Variants in FANCB observed in about 807,000 individuals in gnomAD.
FANCB encodes the protein FA complementation group B, also known as Fanconi anemia group B protein.
Under a neutral mutation model 38.9 loss-of-function variants are expected in FANCB, and 5 were observed. The observed-to-expected ratio is 0.13, with a 90% CI of 0.07 to 0.27. FANCB has a LOEUF of 0.27. Among genes scored for constraint, FANCB ranks in the 10% least tolerant of loss-of-function variants. FANCB has a pLI of 1.00. For missense variants in FANCB, 573 were observed against 602.7 expected, an observed-to-expected ratio of 0.95 and a Z score of 0.52; for synonymous variants, 236 against 215.4, an observed-to-expected ratio of 1.10 and a Z score of -0.84.
the FANCB span, among the ~76,000 whole-genome samples, chrX:14,758,551 A>C: frequency 8.9e-6 from 1 of 112,272 alleles, no homozygotes; most frequent in Non-Finnish European, 1.9e-5. Flanking sequence ...CAGAGGACTC[A>C]GTGCAGATAC....
At chrX:14,834,676 A>T, downstream of FANCB, 14 of 643,955 alleles carry the variant, frequency 2.2e-5, no homozygotes, top group South Asian at 2.8e-4. Flanking sequence ...TTTTTGAAGG[A>T]TTCTTGTCCT....
chrX:14,834,813 A>AG (rs1569079945), downstream of FANCB: 18 of 554,899 alleles, frequency 3.2e-5, no homozygotes, highest in East Asian at 1.4e-4. Context: ...CTCATCATCA[A>AG]AATCATCATC....
the FANCB span, among the ~76,000 whole-genome samples, chrX:14,783,401 T>C: frequency 1.8e-5 from 2 of 112,015 alleles, no homozygotes; most frequent in East Asian, 5.6e-4. Flanking sequence ...AATGAAGCAC[T>C]TCCCACAGCC....
At chrX:14,744,503 C>T in the FANCB span, among the ~76,000 whole-genome samples, 4 of 112,127 alleles carry the variant, frequency 3.6e-5, no homozygotes, top group African/African-American at 9.7e-5. Flanking sequence ...CACATCAACC[C>T]TTTCTCTGTG....
the FANCB span, among the ~76,000 whole-genome samples, chrX:14,737,149 CCAA>C: frequency 9.0e-6 from 1 of 111,122 alleles, no homozygotes; most frequent in African/African-American, 3.3e-5. Flanking sequence ...GAGCAAAACT[CCAA>C]CAACAACAAA....
chrX:14,778,958 G>A, the FANCB span, among the ~76,000 whole-genome samples: 1 of 112,157 alleles, frequency 8.9e-6, no homozygotes, highest in East Asian at 2.8e-4. Flanking sequence ...ACCACTGAAA[G>A]CCACTTTGGT....
At chrX:14,838,750 T>C (rs148798436), downstream of FANCB, among the ~76,000 whole-genome samples, 577 of 112,232 alleles carry the variant, frequency 5.1e-3, 6 homozygotes, top group African/African-American at 0.017. Flanking sequence ...ATTCCTAGTA[T>C]ATACTAAAAG....
chrX:14,857,162 G>C (rs1216493277), intron 5 of FANCB, among the ~76,000 whole-genome samples: 1 of 111,777 alleles, frequency 8.9e-6, no homozygotes. Context: ...GAATGTATTG[G>C]GGATACAGAG....
chrX:14,722,243 C>G, the FANCB span, among the ~76,000 whole-genome samples: 1,310 of 111,682 alleles, frequency 0.012, 24 homozygotes, highest in African/African-American at 0.041. Context: ...TGCAGTCAGA[C>G]AGTAACTGGG....
chrX:14,697,761 T>C, the FANCB span, among the ~76,000 whole-genome samples: 1 of 111,579 alleles, frequency 9.0e-6, no homozygotes, highest in Non-Finnish European at 1.9e-5. Flanking sequence ...GTGGGAAACA[T>C]GGAAAATCAC....
chrX:14,814,200 T>A, the FANCB span, among the ~76,000 whole-genome samples: 1 of 111,722 alleles, frequency 9.0e-6, no homozygotes, highest in Non-Finnish European at 1.9e-5. Context: ...ACTTAAATGT[T>A]AGACCTAAAA....
At chrX:14,859,108 G>T in intron 4 of FANCB, 74 bp downstream of exon 4, 1 of 666,478 alleles carries the variant, frequency 1.5e-6, no homozygotes, top group East Asian at 3.3e-5. Flanking sequence ...TTAAATGATA[G>T]GTCAAAGCTT....
chrX:14,784,051 A>C, the FANCB span, among the ~76,000 whole-genome samples: 1 of 111,523 alleles, frequency 9.0e-6, no homozygotes, highest in African/African-American at 3.3e-5. Context: ...CTCTACTAAA[A>C]ATACAAAAAT....
At chrX:14,753,767 T>G in the FANCB span, among the ~76,000 whole-genome samples, 2 of 111,689 alleles carry the variant, frequency 1.8e-5, no homozygotes, top group Non-Finnish European at 3.8e-5. Flanking sequence ...AATGTCCTAT[T>G]CGCCAAAGGA....
the FANCB span, among the ~76,000 whole-genome samples, chrX:14,722,560 G>C: frequency 1.8e-5 from 2 of 111,861 alleles, no homozygotes; most frequent in African/African-American, 6.5e-5. Flanking sequence ...AATGGAAAGA[G>C]TGTCAATGAT....
At chrX:14,780,548 T>C in the FANCB span, among the ~76,000 whole-genome samples, 2 of 111,139 alleles carry the variant, frequency 1.8e-5, no homozygotes, top group Non-Finnish European at 3.7e-5. Context: ...TGATTAACAA[T>C]GTTACAATTC....
At chrX:14,833,795 TA>T, downstream of FANCB, among the ~76,000 whole-genome samples, 1 of 108,194 alleles carries the variant, frequency 9.2e-6, no homozygotes, top group African/African-American at 3.4e-5. Flanking sequence ...CCTCGTCTCT[TA>T]AAAAAAAATA....
At chrX:14,783,276 C>G in the FANCB span, among the ~76,000 whole-genome samples, 1 of 112,132 alleles carries the variant, frequency 8.9e-6, no homozygotes, top group Non-Finnish European at 1.9e-5. Context: ...GAATTCATAG[C>G]CCTGCTAGGT....
the FANCB span, among the ~76,000 whole-genome samples, chrX:14,808,176 A>C: frequency 1.1e-3 from 121 of 112,216 alleles, no homozygotes; most frequent in Non-Finnish European, 1.9e-3. Flanking sequence ...CTTTTCCAAA[A>C]AAGAGAGGAG....
Sources: allele counts gnomAD v4.1 joint callset (sites outside exome capture counted in the v4.1 genomes callset), GRCh38; gene constraint gnomAD v4.1.1; transcripts MANE v1.5; gene names NCBI Gene and HGNC (gene_info 2026-07-23, HGNC 2026-07-21).